DPP6: variants seen among roughly 807,000 people sequenced by gnomAD.
The protein encoded by DPP6 is A-type potassium channel modulatory protein DPP6.
DPP6 carries 69 observed loss-of-function variants against 122.6 expected under a neutral mutation model. The ratio of observed to expected loss-of-function variants is 0.56; its 90% CI spans 0.46 to 0.69. The LOEUF is 0.69. Among genes scored for constraint, DPP6 ranks in the 30% least tolerant of loss-of-function variants. DPP6 has a pLI of 0.00. For synonymous variants in DPP6, 418 were observed against 433.1 expected (o/e 0.97, Z 0.43); for missense variants, 928 against 1,116.9 (o/e 0.83, Z 2.41).
intron 1 of DPP6, among the ~76,000 whole-genome samples, chr7:153,970,459 T>G (rs1294999739): frequency 6.6e-6 from 1 of 152,228 alleles, no homozygotes; most frequent in African/African-American, 2.4e-5. Flanking sequence ...TTAACAATCT[T>G]AATAGTGCCT....
the DPP6 span, among the ~76,000 whole-genome samples, chr7:153,796,520 C>A: frequency 1.3e-5 from 2 of 151,738 alleles, no homozygotes; most frequent in Non-Finnish European, 2.9e-5. Flanking sequence ...GGAAGTGAAC[C>A]TTTAAACCCT....
At chr7:153,776,265 C>T in the DPP6 span, among the ~76,000 whole-genome samples, 3 of 152,032 alleles carry the variant, frequency 2.0e-5, no homozygotes, top group Admixed American at 6.6e-5. Flanking sequence ...ATTGTAGTTC[C>T]CGTAATCCCC....
At chr7:153,928,209 CTTTTTTTCT>C (rs1800994780) in intron 1 of DPP6, among the ~76,000 whole-genome samples, 1 of 148,718 alleles carries the variant, frequency 6.7e-6, no homozygotes, top group South Asian at 2.1e-4. Context: ...GTTTTCTTTT[CTTTTTTTCT>C]TTTTTTTTTT....
At chr7:154,274,622 G>T (rs1804008471) in intron 1 of DPP6, among the ~76,000 whole-genome samples, 2 of 152,138 alleles carry the variant, frequency 1.3e-5, no homozygotes, top group South Asian at 4.1e-4. Context: ...TCTGCAAGAA[G>T]AATTCTCCTG....
the DPP6 span, among the ~76,000 whole-genome samples, chr7:153,825,808 G>T: frequency 2.2e-4 from 33 of 152,030 alleles, no homozygotes; most frequent in African/African-American, 6.8e-4. Context: ...CAGTCTGCCC[G>T]CCTCAACCTC....
chr7:154,700,221 T>C (rs1349700551), intron 7 of DPP6, among the ~76,000 whole-genome samples: 1 of 152,262 alleles, frequency 6.6e-6, no homozygotes, highest in Admixed American at 6.5e-5. Context: ...CATTGGTACA[T>C]GGTTCCATTA....
intron 1 of DPP6, among the ~76,000 whole-genome samples, chr7:154,034,196 T>C (rs544267582): frequency 1.3e-5 from 2 of 152,204 alleles, no homozygotes; most frequent in Admixed American, 6.5e-5. Flanking sequence ...TAATTTTTCA[T>C]CTAAAGATAG....
At chr7:154,420,593 A>T (rs138213349) in intron 1 of DPP6, among the ~76,000 whole-genome samples, 1 of 152,250 alleles carries the variant, frequency 6.6e-6, no homozygotes, top group African/African-American at 2.4e-5. Context: ...CAAAAAATGC[A>T]AAGTTTCCAT....
intron 1 of DPP6, among the ~76,000 whole-genome samples, chr7:154,073,481 A>C (rs1461688279): frequency 3.9e-5 from 6 of 152,252 alleles, no homozygotes; most frequent in Admixed American, 2.6e-4. Context: ...TTAGTGTTTT[A>C]TACATCAGTT....
chr7:154,562,226 T>C (rs1830467903), intron 4 of DPP6, among the ~76,000 whole-genome samples: 1 of 152,004 alleles, frequency 6.6e-6, no homozygotes, highest in Non-Finnish European at 1.5e-5. Context: ...TCCAACAATA[T>C]ATAAAAAGGG....
intron 1 of DPP6, among the ~76,000 whole-genome samples, chr7:154,175,536 G>C (rs1172487349): frequency 6.6e-6 from 1 of 151,952 alleles, no homozygotes; most frequent in South Asian, 2.1e-4. Flanking sequence ...CCCACTCCCA[G>C]GCCCTGGACA....
chr7:154,816,293 A>G (rs1799421572), intron 16 of DPP6, among the ~76,000 whole-genome samples: 1 of 152,264 alleles, frequency 6.6e-6, no homozygotes. Flanking sequence ...GAGAGACACC[A>G]CATTCATAAT....
At chr7:154,752,160 C>G (rs754096594) in intron 8 of DPP6, among the ~76,000 whole-genome samples, 1 of 151,946 alleles carries the variant, frequency 6.6e-6, no homozygotes, top group Non-Finnish European at 1.5e-5. Flanking sequence ...GTGGGGGAGC[C>G]GACAGCATGA....
intron 12 of DPP6, among the ~76,000 whole-genome samples, chr7:154,799,365 G>A (rs1218764423): frequency 6.6e-6 from 1 of 152,136 alleles, no homozygotes; most frequent in African/African-American, 2.4e-5. Context: ...CAGAGAAGCA[G>A]GCAATCCCCC....
chr7:154,592,868 CT>C, intron 5 of DPP6, among the ~76,000 whole-genome samples: 1 of 152,356 alleles, frequency 6.6e-6, no homozygotes, highest in East Asian at 1.9e-4. Flanking sequence ...CCAAACCACC[CT>C]CAATACAGCC....
chr7:154,499,582 T>C (rs1011571856), intron 3 of DPP6, among the ~76,000 whole-genome samples: 1 of 152,210 alleles, frequency 6.6e-6, no homozygotes, highest in Admixed American at 6.5e-5. Flanking sequence ...ATAGGTCCTT[T>C]AGGACACCAC....
At chr7:154,036,700 G>A (rs1323738988) in intron 1 of DPP6, among the ~76,000 whole-genome samples, 2 of 151,800 alleles carry the variant, frequency 1.3e-5, no homozygotes, top group Non-Finnish European at 2.9e-5. Context: ...CAAGCAAGGG[G>A]TATTTTTCTT....
exon 1 of DPP6, chr7:153,887,325 G>C (rs1039208800): frequency 1.1e-5 from 2 of 180,146 alleles, no homozygotes; most frequent in South Asian, 3.0e-4. Flanking sequence ...GAGCTCGGTG[G>C]ACACGCGCGC....
At chr7:154,371,425 G>GA (rs1237774472) in intron 1 of DPP6, among the ~76,000 whole-genome samples, 2 of 130,842 alleles carry the variant, frequency 1.5e-5, no homozygotes, top group African/African-American at 5.9e-5. Flanking sequence ...AAGAAAGACA[G>GA]AAAAAACAAA....
Sources: gnomAD v4.1 joint callset for allele counts (sites outside exome capture counted in the v4.1 genomes callset) on GRCh38, gnomAD v4.1.1 for gene constraint, MANE v1.5 for transcripts, NCBI Gene and HGNC (gene_info 2026-07-23, HGNC 2026-07-21) for gene names.